FAM20C: variants seen among roughly 807,000 people sequenced by gnomAD.
FAM20C encodes the protein FAM20C golgi associated secretory pathway kinase.
FAM20C carries 40 observed loss-of-function variants against 51.5 expected under a neutral mutation model. The observed-to-expected ratio is 0.78, with a 90% CI of 0.60 to 1.01. The LOEUF is 1.01. Ranked by LOEUF, FAM20C falls within the 50% of genes least tolerant of loss-of-function variation. The probability of loss-of-function intolerance (pLI) is 0.00; values close to 1 mark genes in which losing one functional copy is unlikely to be tolerated. For missense variants in FAM20C, 861 were observed against 844.7 expected, an observed-to-expected ratio of 1.02 and a Z score of -0.24; for synonymous variants, 406 against 380.6, an observed-to-expected ratio of 1.07 and a Z score of -0.78.
rs550351443 is a variant in FAM20C at position 245,294 on chromosome 7, G to A, written c.864-1121G>A. 1.3e-4 allele frequency among the ~76,000 whole-genome samples: 13 copies of A among 103,336 alleles called. No individual in the cohort carries two copies. In the East Asian group the frequency reaches 2.7e-3, roughly 21 times the overall value. The allele number at this position is 103,336 out of a possible 152,430, so 67.8% of individuals were successfully genotyped here. A position where few individuals can be genotyped will look rare whatever the true frequency, so the allele number is the denominator to read the frequency against. On this transcript the variant is annotated intron_variant, in intron 3 of 9. Transcript: ENST00000313766. ...CAGGGCGTGCGAGCTGGGGATTCCCGCCAGCTCTGGTTTCCAGCACCTGGA... is the reference window on the plus strand; with the variant it reads ...CAGGGCGTGCGAGCTGGGGATTCCCACCAGCTCTGGTTTCCAGCACCTGGA...
intron 2 of FAM20C, among the ~76,000 whole-genome samples, chr7:200,270 C>T (rs529106630): frequency 1.3e-3 from 169 of 134,004 alleles, no homozygotes; most frequent in African/African-American, 4.3e-3. Context: ...GGTCCCAGGG[C>T]CTCGCTCGGC....
intron 3 of FAM20C, among the ~76,000 whole-genome samples, chr7:236,561 A>C (rs1787853154): frequency 6.6e-6 from 1 of 151,710 alleles, no homozygotes; most frequent in African/African-American, 2.4e-5. Context: ...CCCACTTCTT[A>C]CTCTGCAGAA....
intron 6 of FAM20C, 30 bp downstream of exon 6, chr7:256,059 G>C (rs769194435): frequency 3.3e-6 from 5 of 1,530,284 alleles, no homozygotes; most frequent in Non-Finnish European, 4.4e-6. Flanking sequence ...GCTGGCGTCC[G>C]GCCACCCTAC....
rs547458228 is a variant in FAM20C, at chr7:259,943, A to T, written c.1718A>T (p.Asp573Val). The change falls in exon 10 of 10, where the codon GAC (aspartate) becomes GTC (valine). Residue 573 changes from aspartate (D) to valine (V), a missense_variant. By Grantham distance (152) the Asp-to-Val change is radical. Coordinates refer to ENST00000313766, the MANE Select transcript of FAM20C (RefSeq NM_020223.4). ...RNGLHSVVDD[D>V]LDTEHRAASA... ...GGGCTCCACAGCGTGGTGGATGACG[A>T]CCTGGACACTGAGCACAGAGCCGCC... The T allele has an allele frequency of 3.9e-6, 6 of 1,527,836 alleles. No homozygotes were observed. Among genetic ancestry groups the T allele is most frequent in the African/African-American group, 1.4e-5 (1 of 72,884 alleles). 94.6% of individuals were successfully genotyped at this position (1,527,836 alleles called of 1,614,324 possible).
intron 3 of FAM20C, among the ~76,000 whole-genome samples, chr7:216,672 A>AGTGTGTGAGT (rs1554251132): frequency 3.4e-4 from 36 of 104,784 alleles, no homozygotes; most frequent in East Asian, 8.1e-4. Flanking sequence ...TGAGAGACAG[A>AGTGTGTGAGT]GTGTGTGTGA....
intron 3 of FAM20C, among the ~76,000 whole-genome samples, chr7:235,394 A>G (rs1404585816): frequency 6.6e-6 from 1 of 152,142 alleles, no homozygotes; most frequent in Non-Finnish European, 1.5e-5. Context: ...GGGTTGCAGT[A>G]ACCAGACCTA....
In FAM20C at chr7:257,945, G is replaced by T. The variant is rs1317427199; in HGVS notation, c.1446-701G>T. On this transcript the variant is annotated intron_variant, in intron 8 of 9. Coordinates refer to ENST00000313766, the MANE Select transcript of FAM20C (RefSeq NM_020223.4). ...ACTGCCTGGGGTGCTGGAGATGCCC[G>T]GGGTGGACCCACTGCCTGAGGTGCT... 1.4e-3 allele frequency among the ~76,000 whole-genome samples: 133 copies of T among 93,000 alleles called. 10 individuals are homozygous for T. The highest frequency in any genetic ancestry group is 4.9e-3 in the African/African-American group (98 of 19,886). The allele number at this position is 93,000 out of a possible 152,430, so 61.0% of individuals were successfully genotyped here.
intron 9 of FAM20C, among the ~76,000 whole-genome samples, chr7:259,098 G>T (rs1373339146): frequency 6.6e-6 from 1 of 152,248 alleles, no homozygotes; most frequent in Middle Eastern, 3.2e-3. Flanking sequence ...CATGGCTGGG[G>T]ACGCAGGCTT....
Position 202,438 on chromosome 7 carries a change from C to G in FAM20C, c.785-6460C>G, listed in dbSNP as rs527984730. Among the ~76,000 whole-genome samples the G allele has an allele frequency of 7.6e-5, 10 of 131,124 alleles. 1 individual carries two copies. Among genetic ancestry groups the G allele is most frequent in the South Asian group, 2.6e-4 (1 of 3,856 alleles). The allele number at this position is 131,124 out of a possible 152,430, so 86.0% of individuals were successfully genotyped here. A position where few individuals can be genotyped will look rare whatever the true frequency, so the allele number is the denominator to read the frequency against. On this transcript the variant is annotated intron_variant, in intron 2 of 9. Coordinates refer to ENST00000313766, the MANE Select transcript of FAM20C (RefSeq NM_020223.4). ...CGGGTGACTGCTGGGTGGGATTGTA[C>G]TGGGGAATGGGGGGGCGCTATGGAT...
rs1408387402 is a variant in FAM20C at position 208,910 on chromosome 7, G to A, written c.797G>A (p.Gly266Glu). Residue 266 changes from glycine (G) to glutamate (E), a missense_variant, in exon 3 of 10, where the codon GGG becomes GAG. Physicochemically the swap from Gly to Glu is moderately conservative, Grantham distance 98 (BLOSUM62 -2). Around this residue, in one of 3 missense-constraint regions of FAM20C, gnomAD observed 561 missense variants for 499.8 expected, o/e 1.12. Coordinates refer to ENST00000313766, the MANE Select transcript of FAM20C (RefSeq NM_020223.4). ...QRITSVAMKS[G>E]GTQLKLIMTF... ...CTCCTTCCTGCAGCCATGAAGTCGG[G>A]GGGCACGCAGCTGAAGCTCATCATG... 2 of 1,577,134 alleles carry A rather than the reference G, an allele frequency of 1.3e-6. No homozygotes were observed. Among genetic ancestry groups the A allele is most frequent in the Non-Finnish European group, 8.6e-7 (1 of 1,161,524 alleles).
At position 216,660 on chromosome 7, in the gene FAM20C, T is replaced by A. The variant is rs188651719; in HGVS notation, c.863+7684T>A. Among the ~76,000 whole-genome samples the A allele has an allele frequency of 2.0e-3, 280 of 138,202 alleles. 2 individuals carry two copies. Among genetic ancestry groups the A allele is most frequent in the African/African-American group, 6.8e-3 (250 of 36,816 alleles). The allele number at this position is 138,202 out of a possible 152,430, so 90.7% of individuals were successfully genotyped here. A position where few individuals can be genotyped will look rare whatever the true frequency, so the allele number is the denominator to read the frequency against. ...GTGTGTGAGTGTGTGTGAGTGTGTG[T>A]GTGAGAGACAGAGTGTGTGTGAGAG... is the stretch of plus-strand genomic sequence containing the variant. On this transcript the variant is annotated intron_variant, in intron 3 of 9. Coordinates refer to ENST00000313766, the MANE Select transcript of FAM20C (RefSeq NM_020223.4).
chr7:210,148 G>C (rs1199921794), intron 3 of FAM20C, among the ~76,000 whole-genome samples: 1 of 152,252 alleles, frequency 6.6e-6, no homozygotes, highest in Non-Finnish European at 1.5e-5. Context: ...GCCTGGGGCT[G>C]AGGGCTGCTA....
At chr7:211,233 A>C in intron 3 of FAM20C, among the ~76,000 whole-genome samples, 1 of 123,462 alleles carries the variant, frequency 8.1e-6, no homozygotes, top group Non-Finnish European at 1.7e-5. Context: ...GGACCTTCCC[A>C]TGCCTTCCCT....
At chr7:251,094 T>G (rs946252886) in intron 5 of FAM20C, among the ~76,000 whole-genome samples, 2 of 152,072 alleles carry the variant, frequency 1.3e-5, no homozygotes, top group African/African-American at 4.8e-5. Context: ...CATTTTGTTG[T>G]AAAATGAGCC....
At chr7:201,752 G>T (rs927359955) in intron 2 of FAM20C, among the ~76,000 whole-genome samples, 9 of 152,202 alleles carry the variant, frequency 5.9e-5, no homozygotes, top group Non-Finnish European at 8.8e-5. Context: ...TTCTGAGGAG[G>T]CAACTGCATA....
rs1476444181 is a variant in FAM20C at position 260,703 on chromosome 7, G to C, written c.*723G>C. 1 of 152,320 alleles carries C rather than the reference G, an allele frequency of 6.6e-6. No individual in the cohort carries two copies. Among genetic ancestry groups the C allele is most frequent in the Non-Finnish European group, 1.5e-5 (1 of 68,080 alleles). 9.4% of individuals were successfully genotyped at this position (152,320 alleles called of 1,614,324 possible). A position where few individuals can be genotyped will look rare whatever the true frequency, so the allele number is the denominator to read the frequency against. On this transcript the variant is annotated 3_prime_UTR_variant, in exon 10 of 10. Coordinates refer to ENST00000313766, the MANE Select transcript of FAM20C (RefSeq NM_020223.4). ...GACCTTTGCAGAGTTTTGTGGAATA[G>C]TTTGCAATGTCATAAAAGTGCAATA...
chr7:205,448 C>T (rs1292093527), intron 2 of FAM20C, among the ~76,000 whole-genome samples: 1 of 151,958 alleles, frequency 6.6e-6, no homozygotes, highest in Non-Finnish European at 1.5e-5. Flanking sequence ...CTATGTTGCC[C>T]AGGCTGGTCT....
At chr7:200,775 A>T (rs73040158) in intron 2 of FAM20C, among the ~76,000 whole-genome samples, 99 of 152,286 alleles carry the variant, frequency 6.5e-4, no homozygotes, top group Non-Finnish European at 7.4e-4. Context: ...GGCAGTGCTG[A>T]TGGGGCCTTG....
chr7:220,148 C>T (rs1787189224), intron 3 of FAM20C, among the ~76,000 whole-genome samples: 1 of 152,194 alleles, frequency 6.6e-6, no homozygotes, highest in South Asian at 2.1e-4. Context: ...GCTGCCGGGA[C>T]CCCCACATGC....
Sources: gnomAD v4.1 joint callset for allele counts (sites outside exome capture counted in the v4.1 genomes callset) on GRCh38, gnomAD v4.1.1 for gene constraint, gnomAD v4.1.1 regional missense constraint, MANE v1.5 for transcripts, NCBI Gene and HGNC (gene_info 2026-07-23, HGNC 2026-07-21) for gene names.